PCDH7: variants seen among roughly 807,000 people sequenced by gnomAD.
The protein encoded by PCDH7 is protocadherin 7, also known as protocadherin-7.
PCDH7 carries 17 observed loss-of-function variants against 58.9 expected under a neutral mutation model. That is an observed-to-expected ratio of 0.29 (90% CI 0.20 to 0.43). PCDH7 has a LOEUF of 0.43. Ranked by LOEUF, PCDH7 falls within the 20% of genes least tolerant of loss-of-function variation. The pLI is 1.00. For synonymous variants in PCDH7, 664 were observed against 616.4 expected (o/e 1.08, Z -1.14); for missense variants, 1,274 against 1,441.0 (o/e 0.88, Z 1.88).
intron 1 of PCDH7, among the ~76,000 whole-genome samples, chr4:30,911,816 G>A (rs560605526): frequency 6.6e-6 from 1 of 152,042 alleles, no homozygotes; most frequent in Non-Finnish European, 1.5e-5. Context: ...GATCCACATA[G>A]GGATGGCACG....
intron 3 of PCDH7, among the ~76,000 whole-genome samples, chr4:31,111,564 C>A (rs1236448562): frequency 2.0e-5 from 3 of 152,016 alleles, no homozygotes; most frequent in Non-Finnish European, 4.4e-5. Context: ...CCCATCTCGG[C>A]CTCCCACAAA....
chr4:30,722,464 G>A lies in PCDH7; in HGVS notation c.1042G>A (p.Gly348Arg), dbSNP rs1254792319. 6.2e-7 allele frequency: 1 copy of A among 1,610,150 alleles called. No individual in the cohort carries two copies. The highest frequency in any genetic ancestry group is 8.5e-7 in the Non-Finnish European group (1 of 1,178,744). The change falls in exon 1 of 2, where the codon GGG (glycine) becomes AGG (arginine). Residue 348 changes from glycine to arginine, a missense_variant. Physicochemically the swap from Gly to Arg is moderately radical, Grantham distance 125. Coordinates refer to ENST00000361762, the Ensembl canonical transcript of PCDH7. This position sits in a 1 kb window ranked among gnomAD's most constrained non-coding sequence, Gnocchi z 7.6. ...CAACGGGCAGATCGAATACGTGTTC[G>A]GGGCGGCCACCGAGTCGGTGAGGCG...
At chr4:31,095,962 C>G (rs1045239033) in intron 3 of PCDH7, among the ~76,000 whole-genome samples, 2 of 152,132 alleles carry the variant, frequency 1.3e-5, no homozygotes, top group Non-Finnish European at 2.9e-5. Flanking sequence ...ACATTCTTGC[C>G]ATGATACTCA....
chr4:31,118,544 GA>G (rs924759872), intron 3 of PCDH7, among the ~76,000 whole-genome samples: 2 of 151,148 alleles, frequency 1.3e-5, no homozygotes, highest in African/African-American at 4.9e-5. Context: ...TCCTAAAAAA[GA>G]AAAAAAAGAA....
chr4:31,036,868 T>G (rs1444366896), intron 3 of PCDH7, among the ~76,000 whole-genome samples: 1 of 152,126 alleles, frequency 6.6e-6, no homozygotes, highest in African/African-American at 2.4e-5. Flanking sequence ...TGGTGAAAAG[T>G]GAAAGGCATG....
At chr4:30,772,591 C>G (rs2109279967) in intron 1 of PCDH7, among the ~76,000 whole-genome samples, 1 of 152,278 alleles carries the variant, frequency 6.6e-6, no homozygotes, top group East Asian at 1.9e-4. Flanking sequence ...CTCTTCATTC[C>G]ATCTGCCATG....
chr4:30,773,503 C>A (rs1457446460), intron 1 of PCDH7, among the ~76,000 whole-genome samples: 1 of 144,482 alleles, frequency 6.9e-6, no homozygotes, highest in Non-Finnish European at 1.5e-5. Context: ...TTTTCTTTTT[C>A]TTTTTTGGGA....
chr4:30,791,529 G>T (rs1161715038), intron 1 of PCDH7, among the ~76,000 whole-genome samples: 1 of 152,160 alleles, frequency 6.6e-6, no homozygotes, highest in Non-Finnish European at 1.5e-5. Context: ...TGCAGACTTA[G>T]ATGTTCATGG....
At chr4:30,795,799 C>T (rs1435156856) in intron 1 of PCDH7, among the ~76,000 whole-genome samples, 2 of 152,000 alleles carry the variant, frequency 1.3e-5, no homozygotes, top group African/African-American at 4.8e-5. Context: ...AATATATAAA[C>T]GTGCCCATAA....
intron 3 of PCDH7, among the ~76,000 whole-genome samples, chr4:31,032,279 T>G (rs1754994986): frequency 6.6e-6 from 1 of 152,102 alleles, no homozygotes; most frequent in Admixed American, 6.5e-5. Flanking sequence ...AACGCCAAAA[T>G]AACTTTTAAA....
chr4:31,129,380 A>G (rs1039282479), intron 3 of PCDH7, among the ~76,000 whole-genome samples: 5 of 152,166 alleles, frequency 3.3e-5, no homozygotes, highest in Admixed American at 3.3e-4. Context: ...AAGTCAAGGA[A>G]TAGCAGAAGA....
intron 3 of PCDH7, among the ~76,000 whole-genome samples, chr4:31,140,427 C>G (rs1469327250): frequency 1.3e-5 from 2 of 151,000 alleles, no homozygotes; most frequent in South Asian, 2.1e-4. Flanking sequence ...ATTTTAGAAG[C>G]TAAATTCCTG....
intron 1 of PCDH7, among the ~76,000 whole-genome samples, chr4:30,844,495 T>C (rs1014448622): frequency 9.9e-5 from 15 of 152,196 alleles, no homozygotes; most frequent in Non-Finnish European, 1.9e-4. Context: ...TGTTGCCTGC[T>C]TTCTTTTTCA....
chr4:31,056,512 AGAAAGG>A (rs1757245867), intron 3 of PCDH7, among the ~76,000 whole-genome samples: 2 of 101,436 alleles, frequency 2.0e-5, no homozygotes, highest in African/African-American at 4.0e-5. Context: ...AAAGAAAGAA[AGAAAGG>A]GGAAGGGAAG....
intron 1 of PCDH7, among the ~76,000 whole-genome samples, chr4:30,814,164 T>A (rs1419709069): frequency 6.6e-6 from 1 of 152,114 alleles, no homozygotes; most frequent in Non-Finnish European, 1.5e-5. Context: ...TACATAAATA[T>A]GTAAATAGCT....
chr4:31,013,769 G>C (rs1753395761), intron 3 of PCDH7, among the ~76,000 whole-genome samples: 1 of 152,022 alleles, frequency 6.6e-6, no homozygotes, highest in Non-Finnish European at 1.5e-5. Flanking sequence ...ACCCATCCTG[G>C]AGACAAGGAT....
chr4:31,135,563 G>A (rs1719498538), intron 3 of PCDH7, among the ~76,000 whole-genome samples: 1 of 152,084 alleles, frequency 6.6e-6, no homozygotes, highest in Non-Finnish European at 1.5e-5. Context: ...GTACCCATTT[G>A]CTTGACAATT....
chr4:31,141,181 C>G (rs1206351538), intron 3 of PCDH7, among the ~76,000 whole-genome samples: 1 of 152,222 alleles, frequency 6.6e-6, no homozygotes, highest in Non-Finnish European at 1.5e-5. Context: ...AGAAAGTGTA[C>G]ATATCTTGGG....
chr4:31,146,778 A>G (rs1720709601), downstream of PCDH7: 1 of 151,430 alleles, frequency 6.6e-6, no homozygotes, highest in Non-Finnish European at 1.5e-5. Context: ...CTGCAAATTA[A>G]AATATAACAT....
Sources: gnomAD v4.1 joint callset for allele counts (sites outside exome capture counted in the v4.1 genomes callset) on GRCh38, gnomAD v4.1.1 for gene constraint, Gnocchi (gnomAD v3.1) non-coding constraint, MANE v1.5 for transcripts, NCBI Gene and HGNC (gene_info 2026-07-23, HGNC 2026-07-21) for gene names.